Variants in HHLA2 observed in about 807,000 individuals in gnomAD.
HHLA2 encodes the protein HHLA2 member of B7 family, also known as HERV-H LTR-associating protein 2.
Under a neutral mutation model 45.9 loss-of-function variants are expected in HHLA2, and 48 were observed. That is an observed-to-expected ratio of 1.05 (90% CI 0.83 to 1.33). HHLA2 has a LOEUF of 1.33. Among genes scored for constraint, HHLA2 ranks in the 40% most tolerant of loss-of-function variants. The pLI, the probability that HHLA2 is intolerant of heterozygous loss-of-function variation, is 0.00. For missense variants in HHLA2, 462 were observed against 494.3 expected (o/e 0.93, Z 0.62); for synonymous variants, 161 against 173.9 (o/e 0.93, Z 0.59).
intron 6 of HHLA2, among the ~76,000 whole-genome samples, chr3:108,356,816 A>C (rs182138465): frequency 7.9e-5 from 12 of 152,332 alleles, no homozygotes; most frequent in African/African-American, 2.4e-4. Context: ...AACATAGCTT[A>C]CAAAGGGAGT....
intron 1 of HHLA2, among the ~76,000 whole-genome samples, chr3:108,309,053 C>T (rs973509874): frequency 6.6e-6 from 1 of 152,138 alleles, no homozygotes; most frequent in Admixed American, 6.5e-5. Flanking sequence ...GTTGCCTGTG[C>T]TTGTGGGGTA....
chr3:108,365,951 C>T (rs747760754), intron 8 of HHLA2, among the ~76,000 whole-genome samples: 5 of 152,080 alleles, frequency 3.3e-5, no homozygotes, highest in African/African-American at 1.2e-4. Flanking sequence ...TGACTTCCTC[C>T]GTTCCTATTT....
intron 4 of HHLA2, 42 bp from the exon 4 acceptor site, chr3:108,353,385 T>C (rs371152582): frequency 1.2e-4 from 157 of 1,282,426 alleles, no homozygotes; most frequent in Non-Finnish European, 1.5e-4. Context: ...AACAAGCACA[T>C]GGCATTAATT....
chr3:108,368,972 T>C (rs2082116719), intron 8 of HHLA2, among the ~76,000 whole-genome samples: 1 of 152,084 alleles, frequency 6.6e-6, no homozygotes, highest in Non-Finnish European at 1.5e-5. Context: ...GACCACATAA[T>C]TGGAAGTAAG....
At chr3:108,372,515 TC>T in intron 8 of HHLA2, among the ~76,000 whole-genome samples, 1 of 35,464 alleles carries the variant, frequency 2.8e-5, no homozygotes, top group Admixed American at 1.8e-4. Context: ...AAAAAACCCT[TC>T]AAAAAAATCA....
intron 8 of HHLA2, among the ~76,000 whole-genome samples, chr3:108,367,091 G>T (rs1218238663): frequency 2.0e-5 from 3 of 152,146 alleles, no homozygotes; most frequent in African/African-American, 4.8e-5. Context: ...CCAGAAAACT[G>T]CAGCAGACCT....
intron 1 of HHLA2, chr3:108,302,393 A>C (rs2080864910): frequency 6.6e-6 from 1 of 152,200 alleles, no homozygotes; most frequent in Non-Finnish European, 1.5e-5. Flanking sequence ...TTATTAACTA[A>C]CATCTCTCTC....
At position 108,351,797 on chromosome 3, in the gene HHLA2, T is replaced by G. The variant is rs774264768; in HGVS notation, c.-17T>G. 5 of 1,609,782 alleles carry G rather than the reference T, an allele frequency of 3.1e-6. No individual in the cohort carries two copies. In the East Asian group the frequency reaches 6.7e-5, roughly 22 times the overall value. ...TACTTCTCTTTGATAGCATGACTAA[T>G]ATGTTCTGCACAAGACATGAAGGCA... On this transcript the variant is annotated 5_prime_UTR_variant, in exon 4 of 11. Coordinates refer to ENST00000619531, the Ensembl canonical transcript of HHLA2.
chr3:108,357,695 A>T (rs1461956342), intron 6 of HHLA2, 149 bp from the exon 6 acceptor site: 2 of 671,140 alleles, frequency 3.0e-6, no homozygotes, highest in African/African-American at 3.6e-5. Context: ...CTTTTAAGAA[A>T]CCACAGTACA....
At chr3:108,329,093 C>T (rs1004897911) in intron 3 of HHLA2, among the ~76,000 whole-genome samples, 4 of 152,086 alleles carry the variant, frequency 2.6e-5, no homozygotes, top group Non-Finnish European at 5.9e-5. Flanking sequence ...TGCAAAAAGC[C>T]ACACACTATA....
intron 2 of HHLA2, among the ~76,000 whole-genome samples, chr3:108,312,364 C>T (rs2081034830): frequency 6.6e-6 from 1 of 152,202 alleles, no homozygotes; most frequent in Non-Finnish European, 1.5e-5. Context: ...CTGGCTGGAC[C>T]TTGCAGACTA....
intron 1 of HHLA2, among the ~76,000 whole-genome samples, chr3:108,309,781 T>C (rs1210942110): frequency 3.9e-5 from 6 of 152,238 alleles, no homozygotes; most frequent in Admixed American, 3.9e-4. Flanking sequence ...ATTATAAAAT[T>C]ACTATTTTTT....
intron 8 of HHLA2, among the ~76,000 whole-genome samples, chr3:108,375,498 AAAAT>A (rs2082258726): frequency 6.6e-6 from 1 of 152,030 alleles, no homozygotes; most frequent in Non-Finnish European, 1.5e-5. Context: ...AAAATAAATA[AAAAT>A]AAATTGTACA....
chr3:108,297,682 C>T (rs1211831246), intron 1 of HHLA2, among the ~76,000 whole-genome samples: 1 of 152,140 alleles, frequency 6.6e-6, no homozygotes, highest in Non-Finnish European at 1.5e-5. Flanking sequence ...TTTGGTGGCT[C>T]TTAAATAAAT....
At position 108,302,300 on chromosome 3, in the gene HHLA2, T is replaced by C. The variant is rs572333970; in HGVS notation, c.-192+5701T>C. Among the ~76,000 whole-genome samples the C allele has an allele frequency of 1.6e-3, 240 of 152,292 alleles. 1 individual carries two copies. Among genetic ancestry groups the C allele is most frequent in the African/African-American group, 5.1e-3 (212 of 41,574 alleles). On this transcript the variant is annotated intron_variant, in intron 1 of 10. Coordinates refer to ENST00000619531, the Ensembl canonical transcript of HHLA2. ...ATAGCATGATACCTGGAAACCATGA[T>C]TACTGGAAACTGTAAATATTTTACC...
intron 1 of HHLA2, among the ~76,000 whole-genome samples, chr3:108,308,356 G>A (rs935881740): frequency 6.6e-6 from 1 of 152,052 alleles, no homozygotes; most frequent in African/African-American, 2.4e-5. Flanking sequence ...TCTTTTTTAT[G>A]GCTGAATAGT....
intron 3 of HHLA2, among the ~76,000 whole-genome samples, chr3:108,345,825 G>C: frequency 6.6e-6 from 1 of 152,196 alleles, no homozygotes; most frequent in South Asian, 2.1e-4. Context: ...GGCACAACCA[G>C]GAAGAGCATA....
chr3:108,363,835 A>G (rs2082018358), intron 8 of HHLA2, among the ~76,000 whole-genome samples: 3 of 152,202 alleles, frequency 2.0e-5, no homozygotes, highest in Admixed American at 1.3e-4. Flanking sequence ...AGAACTTATG[A>G]GACAGTATAT....
intron 3 of HHLA2, among the ~76,000 whole-genome samples, chr3:108,336,919 G>A (rs2081481060): frequency 6.6e-6 from 1 of 152,060 alleles, no homozygotes; most frequent in Non-Finnish European, 1.5e-5. Flanking sequence ...AGAAAGATCT[G>A]TTTCCTTGCT....
Sources: allele counts gnomAD v4.1 joint callset (sites outside exome capture counted in the v4.1 genomes callset), GRCh38; gene constraint gnomAD v4.1.1; transcripts MANE v1.5; gene names NCBI Gene and HGNC (gene_info 2026-07-23, HGNC 2026-07-21).